The following STXBP2 variants were observed in gnomAD, a reference collection of about 807,000 sequenced individuals.
STXBP2 encodes the protein syntaxin-binding protein 2.
STXBP2 carries 47 observed loss-of-function variants against 72.2 expected under a neutral mutation model. The ratio of observed to expected loss-of-function variants is 0.65; its 90% CI spans 0.51 to 0.83. The LOEUF is 0.83. Among genes scored for constraint, STXBP2 ranks in the 40% least tolerant of loss-of-function variants. STXBP2 has a pLI of 0.00. For missense variants in STXBP2, 702 were observed against 807.6 expected, an observed-to-expected ratio of 0.87 and a Z score of 1.58; for synonymous variants, 367 against 338.7, an observed-to-expected ratio of 1.08 and a Z score of -0.92.
At chr19:7,630,053 T>G in the STXBP2 span, 1 of 574,084 alleles carries the variant, frequency 1.7e-6, no homozygotes, top group Non-Finnish European at 2.7e-6. Context: ...GGATTTGGGC[T>G]TCTGGGTTTG....
At position 7,646,957 on chromosome 19, in the gene STXBP2, C is replaced by T. The variant is rs114536257; in HGVS notation, c.1453-205C>T. 6.9e-4 allele frequency: 416 copies of T among 605,652 alleles called. 2 individuals are homozygous for T. Among genetic ancestry groups the T allele is most frequent in the African/African-American group, 5.1e-3 (273 of 54,026 alleles). 37.5% of individuals were successfully genotyped at this position (605,652 alleles called of 1,614,324 possible). ...ACCCAAGGAGTTATGGAATTAGATT[C>T]GTGGGTCCCCAGTGAGTTATGGATC... On this transcript the variant is annotated intron_variant, in intron 16 of 18. Transcript: ENST00000221283.
At chr19:7,633,753 A>C, upstream of STXBP2, 2 of 460,856 alleles carry the variant, frequency 4.3e-6, no homozygotes, top group Non-Finnish European at 7.8e-6. Flanking sequence ...GATGTCACAA[A>C]AGGCCTGAGC....
At chr19:7,641,127 G>A (rs1419938999) in intron 6 of STXBP2, 124 bp downstream of exon 6, 1 of 1,000,852 alleles carries the variant, frequency 1.0e-6, no homozygotes, top group Non-Finnish European at 1.5e-6. Flanking sequence ...CGCTGTGGGA[G>A]GCCAGGGCAG....
Position 7,647,812 on chromosome 19 carries a change from C to T in STXBP2, c.*2C>T. 1.2e-6 allele frequency: 2 copies of T among 1,607,608 alleles called. No individual in the cohort carries two copies. Among genetic ancestry groups the T allele is most frequent in the Non-Finnish European group, 1.7e-6 (2 of 1,175,942 alleles). On this transcript the variant is annotated 3_prime_UTR_variant, in exon 19 of 19. Transcript: ENST00000221283. ...CTGGAGGACATTGCCCTGCCCTGAC[C>T]CCTGGCCCCGCCCCCTACCCCTCCC...
At chr19:7,646,591 T>A (rs944535799) in intron 16 of STXBP2, 20 of 586,194 alleles carry the variant, frequency 3.4e-5, no homozygotes, top group Non-Finnish European at 6.2e-5. Flanking sequence ...GCTATATCTC[T>A]CTAGTCTGTT....
In STXBP2 at chr19:7,640,766, C is replaced by A. The variant is rs1322597772; in HGVS notation, c.282C>A (p.Thr94=). 1.2e-6 allele frequency: 2 copies of A among 1,614,166 alleles called. No individual in the cohort carries two copies. Among genetic ancestry groups the A allele is most frequent in the South Asian group, 1.1e-5 (1 of 91,086 alleles). ...CCCTGATCAAAGACTTCCAGGGGAC[C>A]CCGACTTTCACCTACAAAGCGGCCC... The part of the protein sequence containing the change: ...VQALIKDFQG[T]PTFTYKAAHI... Residue 94 remains threonine (T), a synonymous_variant, in exon 5 of 19, where the codon ACC becomes ACA. Coordinates refer to ENST00000221283, the MANE Select transcript of STXBP2 (RefSeq NM_006949.4).
At chr19:7,638,798 G>C (rs767927802) in intron 2 of STXBP2, 23 bp downstream of exon 2, 13 of 1,613,912 alleles carry the variant, frequency 8.1e-6, no homozygotes, top group Non-Finnish European at 1.0e-5. Flanking sequence ...CAGATGGCTG[G>C]GTACCCAGAG....
At chr19:7,639,968 G>A in intron 4 of STXBP2, 161 bp downstream of exon 4, 1 of 808,094 alleles carries the variant, frequency 1.2e-6, no homozygotes, top group South Asian at 1.5e-5. Context: ...GTGCATCTGT[G>A]TATGCATGTG....
intron 4 of STXBP2, chr19:7,640,506 G>A: frequency 1.6e-6 from 1 of 608,760 alleles, no homozygotes; most frequent in Non-Finnish European, 3.2e-6. Context: ...GCATCTGTGT[G>A]TGTGTGCATG....
chr19:7,644,733 C>T lies in STXBP2; in HGVS notation c.1227C>T (p.Leu409=). The T allele has an allele frequency of 1.9e-6, 3 of 1,613,712 alleles. No homozygotes were observed. The highest frequency in any genetic ancestry group is 2.2e-5 in the East Asian group (1 of 44,852). Residue 409 remains leucine (L), a synonymous_variant, in exon 14 of 19, where the codon CTC becomes CTT. Coordinates refer to ENST00000221283, the MANE Select transcript of STXBP2 (RefSeq NM_006949.4). ...ACGACAAGATCCGGGTCCTGCTGCTCTACATCCTCCTTCGGAATGGTGGGT... is the reference window on the plus strand; with the variant it reads ...ACGACAAGATCCGGGTCCTGCTGCTTTACATCCTCCTTCGGAATGGTGGGT... The part of the protein sequence containing the change: ...PAYDKIRVLL[L]YILLRNGVSE...
chr19:7,639,536 A>C (rs1410871663), intron 3 of STXBP2, 195 bp from the exon 4 acceptor site: 3 of 635,916 alleles, frequency 4.7e-6, no homozygotes, highest in Non-Finnish European at 5.7e-6. Flanking sequence ...AATTTGGGGA[A>C]CCCAGTTGGC....
intron 4 of STXBP2, chr19:7,640,459 T>C (rs1192719792): frequency 1.5e-6 from 1 of 673,252 alleles, no homozygotes; most frequent in Non-Finnish European, 2.7e-6. Flanking sequence ...TATGTATGTG[T>C]GTGCATCTCT....
In STXBP2 at chr19:7,642,114, G is replaced by C. The variant is rs1425816273; in HGVS notation, c.659G>C (p.Gly220Ala). 6.2e-7 allele frequency: 1 copy of C among 1,614,120 alleles called. No individual in the cohort carries two copies. Among genetic ancestry groups the C allele is most frequent in the South Asian group, 1.1e-5 (1 of 91,084 alleles). ...TTCAAGGCAGACACTCCCAGTCTGG[G>C]CGAGGTGAGGGGGCGTGCTTGGGAG... ...NAFKADTPSL[G>A]EGPEKTRSQL... Residue 220 changes from glycine to alanine, a missense_variant, in exon 8 of 19, where the codon GGC (glycine) becomes GCC (alanine). Physicochemically the swap from Gly to Ala is moderately conservative, Grantham distance 60. Transcript: ENST00000221283. The surrounding 1 kb of genome is among the most constrained non-coding windows in gnomAD (Gnocchi z 6.0).
chr19:7,643,323 T>A, intron 13 of STXBP2, 78 bp downstream of exon 13: 1 of 873,512 alleles, frequency 1.1e-6, no homozygotes, highest in South Asian at 1.7e-5. Flanking sequence ...ACTGTAGAGA[T>A]GGGGGGTTCT....
upstream of STXBP2, among the ~76,000 whole-genome samples, chr19:7,634,453 C>T (rs1332039554): frequency 6.6e-6 from 1 of 152,240 alleles, no homozygotes; most frequent in Non-Finnish European, 1.5e-5. Context: ...GTGTCCCCCT[C>T]CTCAGTACGT....
Position 7,642,217 on chromosome 19 carries a change from C to T in STXBP2, c.678C>T (p.Thr226=), listed in dbSNP as rs769445577. Residue 226 remains threonine (T), a synonymous_variant, in exon 9 of 19, where the codon ACC becomes ACT. Transcript: ENST00000221283. This position sits in a 1 kb window ranked among gnomAD's most constrained non-coding sequence, Gnocchi z 6.0. ...CCCCACCCCAGGGCCCAGAGAAAACCCGCTCCCAGCTGCTGATAATGGACC... is the reference window on the plus strand; with the variant it reads ...CCCCACCCCAGGGCCCAGAGAAAACTCGCTCCCAGCTGCTGATAATGGACC... The part of the protein sequence containing the change: ...TPSLGEGPEK[T]RSQLLIMDRA... 1 of 1,614,160 alleles carries T rather than the reference C, an allele frequency of 6.2e-7. No individual in the cohort carries two copies. Among genetic ancestry groups the T allele is most frequent in the South Asian group, 1.1e-5 (1 of 91,084 alleles).
upstream of STXBP2, among the ~76,000 whole-genome samples, chr19:7,635,113 G>C (rs540492392): frequency 7.0e-4 from 106 of 152,320 alleles, no homozygotes; most frequent in African/African-American, 2.5e-3. Flanking sequence ...TTGGGGGTTA[G>C]TGGTGGGGTG....
In STXBP2 at chr19:7,637,137, C is replaced by CCCCTCGGGGAAGATGGCG; in HGVS notation, c.-3_15dup. ...GACACACCCGGAAGCGGCGGCGGCG[C>CCCCTCGGGGAAGATGGCG]CCCTCGGGGAAGATGGCGCCCTCGG... On this transcript the variant is annotated 5_prime_UTR_variant, in exon 1 of 19. It adds an upstream start codon to the 5' untranslated region. Coordinates refer to ENST00000221283, the MANE Select transcript of STXBP2 (RefSeq NM_006949.4). 4 of 1,240,250 alleles carry CCCCTCGGGGAAGATGGCG rather than the reference C, an allele frequency of 3.2e-6. No individual in the cohort carries two copies. Among genetic ancestry groups the CCCCTCGGGGAAGATGGCG allele is most frequent in the East Asian group, 3.2e-5 (1 of 31,686 alleles). 76.8% of individuals were successfully genotyped at this position (1,240,250 alleles called of 1,614,324 possible). A position where few individuals can be genotyped will look rare whatever the true frequency, so the allele number is the denominator to read the frequency against.
chr19:7,637,167 G>C lies in STXBP2; in HGVS notation c.18G>C (p.Leu6=). The change falls in exon 1 of 19, where the codon CTG becomes CTC. Residue 6 remains leucine, a synonymous_variant. Coordinates refer to ENST00000221283, the MANE Select transcript of STXBP2 (RefSeq NM_006949.4). ...CGGGGAAGATGGCGCCCTCGGGGCT[G>C]AAGGCGGTGGTGGGGGAAAGTGAGT... MAPSG[L]KAVVGEKILS... is the part of the protein sequence containing the mutation. 1 of 1,242,942 alleles carries C rather than the reference G, an allele frequency of 8.0e-7. No homozygotes were observed. The highest frequency in any genetic ancestry group is 1.0e-6 in the Non-Finnish European group (1 of 988,400). The allele number at this position is 1,242,942 out of a possible 1,614,324, so 77.0% of individuals were successfully genotyped here. A position where few individuals can be genotyped will look rare whatever the true frequency, so the allele number is the denominator to read the frequency against.
Sources: allele counts gnomAD v4.1 joint callset (sites outside exome capture counted in the v4.1 genomes callset), GRCh38; gene constraint gnomAD v4.1.1; non-coding constraint Gnocchi (gnomAD v3.1); transcripts MANE v1.5; gene names NCBI Gene and HGNC (gene_info 2026-07-23, HGNC 2026-07-21).